The following HS1BP3 variants were observed in gnomAD, a reference collection of about 807,000 sequenced individuals.
HS1BP3 encodes HCLS1 binding protein 3.
In HS1BP3, 32 loss-of-function variants were observed where a neutral mutation model predicts 33.5. The ratio of observed to expected loss-of-function variants is 0.95; its 90% CI spans 0.72 to 1.28. The LOEUF is 1.28. Ranked by LOEUF, HS1BP3 falls within the 50% of genes most tolerant of loss-of-function variation. The pLI is 0.00. For missense variants in HS1BP3, 486 were observed against 502.3 expected, an observed-to-expected ratio of 0.97 and a Z score of 0.31; for synonymous variants, 187 against 209.2, an observed-to-expected ratio of 0.89 and a Z score of 0.92.
chr2:20,586,863 A>G (rs1558323785), intron 5 of HS1BP3, among the ~76,000 whole-genome samples: 2 of 152,188 alleles, frequency 1.3e-5, no homozygotes. Flanking sequence ...TAATCGTATC[A>G]ATTATAATTT....
At chr2:20,593,964 C>T (rs1164193723) in intron 3 of HS1BP3, among the ~76,000 whole-genome samples, 2 of 152,262 alleles carry the variant, frequency 1.3e-5, no homozygotes, top group Non-Finnish European at 2.9e-5. Context: ...GCCTCCATTT[C>T]AGAAGAGGGA....
Position 20,638,599 on chromosome 2 carries a change from C to T in HS1BP3, c.460G>A (p.Asp154Asn), listed in dbSNP as rs779204040. The change falls in exon 4 of 7, where the codon GAT (aspartate) becomes AAT (asparagine). Residue 154 changes from aspartate to asparagine, a missense_variant. By Grantham distance (23) the Asp-to-Asn change is conservative. Transcript: ENST00000304031. ...TTCCCTGTCTGACTGTCTGTGCCAT[C>T]CAGGACAGAGGAATCTCTGCTGGTG... ...GLTSRDSSVLDGTDSQTGNDE... is the reference protein window; with the variant it reads ...GLTSRDSSVLNGTDSQTGNDE... 6 of 1,614,200 alleles carry T rather than the reference C, an allele frequency of 3.7e-6. No homozygotes were observed. The South Asian group carries it at 6.6e-5, about 18-fold the overall frequency.
chr2:20,575,718 C>T (rs1485752256), intron 5 of HS1BP3, among the ~76,000 whole-genome samples: 2 of 151,736 alleles, frequency 1.3e-5, no homozygotes, highest in Non-Finnish European at 2.9e-5. Flanking sequence ...TGGGCTCTTC[C>T]ACACGGGGGC....
intron 2 of HS1BP3, among the ~76,000 whole-genome samples, chr2:20,599,609 A>AACTAAC (rs1694023478): frequency 7.3e-6 from 1 of 136,220 alleles, no homozygotes; most frequent in African/African-American, 2.7e-5. Context: ...CTTCTTGTGT[A>AACTAAC]ACACACACAC....
chr2:20,574,469 C>G (rs887440746), intron 5 of HS1BP3, among the ~76,000 whole-genome samples: 42 of 152,202 alleles, frequency 2.8e-4, no homozygotes, highest in African/African-American at 9.2e-4. Flanking sequence ...CTTTTTCCCA[C>G]CACTGCGAAG....
chr2:20,588,051 G>A (rs918389920), downstream of HS1BP3, among the ~76,000 whole-genome samples: 1 of 151,890 alleles, frequency 6.6e-6, no homozygotes, highest in East Asian at 1.9e-4. Flanking sequence ...TCCAGTCCTC[G>A]GAGACCAGCC....
At chr2:20,603,459 T>C (rs578177859) in intron 2 of HS1BP3, among the ~76,000 whole-genome samples, 1 of 152,246 alleles carries the variant, frequency 6.6e-6, no homozygotes, top group East Asian at 1.9e-4. Context: ...GAAAGCAGTA[T>C]GCTAGGCGAA....
At position 20,611,150 on chromosome 2, in the gene HS1BP3, A is replaced by G. The variant is rs1158334376; in HGVS notation, c.178+12746T>C. ...GGGTTTTTCCTTTTTGACGCTGCAC[A>G]GCATTCCGCTGCATCCATGTGCCAC... is the stretch of plus-strand genomic sequence containing the variant. On this transcript the variant is annotated intron_variant, in intron 2 of 3. Coordinates refer to the HS1BP3 transcript ENST00000415264. This position sits in a 1 kb window ranked among gnomAD's most constrained non-coding sequence, Gnocchi z 4.9. Among the ~76,000 whole-genome samples the G allele has an allele frequency of 6.6e-6, 1 of 152,246 alleles. No individual in the cohort carries two copies. Among genetic ancestry groups the G allele is most frequent in the Non-Finnish European group, 1.5e-5 (1 of 68,048 alleles).
intron 4 of HS1BP3, among the ~76,000 whole-genome samples, chr2:20,634,313 T>C (rs1419909360): frequency 6.6e-6 from 1 of 152,224 alleles, no homozygotes; most frequent in African/African-American, 2.4e-5. Context: ...AAGAACCAAC[T>C]CAAGAGCTTG....
chr2:20,643,318 GGCT>G (rs1255973256), intron 2 of HS1BP3, among the ~76,000 whole-genome samples: 1 of 152,190 alleles, frequency 6.6e-6, no homozygotes, highest in Non-Finnish European at 1.5e-5. Context: ...GAACCAAGTG[GGCT>G]GGGCGGCTGA....
At chr2:20,650,617 G>A (rs1335412015) in intron 1 of HS1BP3, among the ~76,000 whole-genome samples, 4 of 152,248 alleles carry the variant, frequency 2.6e-5, no homozygotes, top group South Asian at 4.1e-4. Context: ...CCTGCAGGGC[G>A]AGCTTGTCTG....
chr2:20,610,956 T>A (rs1344460097), intron 2 of HS1BP3, among the ~76,000 whole-genome samples: 1 of 152,196 alleles, frequency 6.6e-6, no homozygotes, highest in African/African-American at 2.4e-5. Flanking sequence ...AGCCAACCAC[T>A]CCTGTCCTGC....
downstream of HS1BP3, among the ~76,000 whole-genome samples, chr2:20,590,563 C>T (rs77289286): frequency 2.4e-3 from 367 of 152,358 alleles, no homozygotes; most frequent in African/African-American, 7.3e-3. Flanking sequence ...GTCACGTCCC[C>T]GTACTCCACC....
chr2:20,607,989 A>T (rs531665177), intron 2 of HS1BP3, among the ~76,000 whole-genome samples: 4 of 152,180 alleles, frequency 2.6e-5, no homozygotes, highest in African/African-American at 9.6e-5. Context: ...ATTCATTTCT[A>T]GTTATTTTAT....
At chr2:20,593,601 C>T (rs1486246489) in intron 3 of HS1BP3, among the ~76,000 whole-genome samples, 3 of 152,168 alleles carry the variant, frequency 2.0e-5, no homozygotes, top group Non-Finnish European at 4.4e-5. Flanking sequence ...TGGTGATCCT[C>T]TTTTTCGAGC....
chr2:20,554,472 C>T, the HS1BP3 span, among the ~76,000 whole-genome samples: 1 of 152,120 alleles, frequency 6.6e-6, no homozygotes, highest in Non-Finnish European at 1.5e-5. Flanking sequence ...CCTGTAATCC[C>T]AACACTTTGG....
intron 1 of HS1BP3, among the ~76,000 whole-genome samples, chr2:20,647,205 G>C (rs2149304949): frequency 6.6e-6 from 1 of 152,226 alleles, no homozygotes; most frequent in East Asian, 1.9e-4. Flanking sequence ...ATGGTTCTCT[G>C]ACCACGCCAG....
rs1217969068 is a variant in HS1BP3 at position 20,645,445 on chromosome 2, C to G, written c.93G>C (p.Arg31=). 1 of 1,614,006 alleles carries G rather than the reference C, an allele frequency of 6.2e-7. No homozygotes were observed. Among genetic ancestry groups the G allele is most frequent in the Non-Finnish European group, 8.5e-7 (1 of 1,180,036 alleles). The change falls in exon 2 of 7, where the codon CGG becomes CGC. Residue 31 remains arginine, a synonymous_variant. Coordinates refer to ENST00000304031, the MANE Select transcript of HS1BP3 (RefSeq NM_022460.4). ...DLTVPQHQEV[R]GKMMSGHVEY... ...CCACGTGTCCAGACATCATCTTGCC[C>G]CGTACCTCCTGGTGCTGGGGCACAG...
chr2:20,629,037 G>A (rs1425978377), intron 4 of HS1BP3, among the ~76,000 whole-genome samples: 1 of 152,176 alleles, frequency 6.6e-6, no homozygotes, highest in Non-Finnish European at 1.5e-5. Flanking sequence ...GGGAAGACAG[G>A]CTAGGGGGAA....
Sources: gnomAD v4.1 joint callset for allele counts (sites outside exome capture counted in the v4.1 genomes callset) on GRCh38, gnomAD v4.1.1 for gene constraint, Gnocchi (gnomAD v3.1) non-coding constraint, MANE v1.5 for transcripts, NCBI Gene and HGNC (gene_info 2026-07-23, HGNC 2026-07-21) for gene names.